The following PTPRD variants were observed in gnomAD, a reference collection of about 807,000 sequenced individuals.
PTPRD encodes the protein receptor-type tyrosine-protein phosphatase delta.
PTPRD carries 34 observed loss-of-function variants against 214.5 expected under a neutral mutation model. The observed-to-expected ratio is 0.16, with a 90% CI of 0.12 to 0.21. The LOEUF (loss-of-function observed/expected upper bound fraction) is 0.21, where lower values mean the gene tolerates loss of function less well. PTPRD is among the 10% of genes least tolerant of loss of function. The pLI, the probability that PTPRD is intolerant of heterozygous loss-of-function variation, is 1.00. For synonymous variants in PTPRD, 1,128 were observed against 845.7 expected, an observed-to-expected ratio of 1.33 and a Z score of -5.79; for missense variants, 2,545 against 2,398.7, an observed-to-expected ratio of 1.06 and a Z score of -1.27.
intron 9 of PTPRD, among the ~76,000 whole-genome samples, chr9:9,394,460 G>T (rs936230558): frequency 4.6e-5 from 7 of 152,138 alleles, no homozygotes; most frequent in African/African-American, 1.7e-4. Flanking sequence ...GACATGTATT[G>T]TGTAGCCAGA....
At chr9:8,759,922 G>A (rs1205979730) in intron 11 of PTPRD, among the ~76,000 whole-genome samples, 1 of 152,142 alleles carries the variant, frequency 6.6e-6, no homozygotes. Flanking sequence ...CTAACTGACA[G>A]GACCTATCCA....
intron 5 of PTPRD, among the ~76,000 whole-genome samples, chr9:9,842,853 C>T (rs2058665266): frequency 6.6e-6 from 1 of 151,636 alleles, no homozygotes; most frequent in Non-Finnish European, 1.5e-5. Flanking sequence ...TTGCATGTTT[C>T]ATACTGAACA....
intron 11 of PTPRD, among the ~76,000 whole-genome samples, chr9:8,918,552 AGAGT>A (rs2098803360): frequency 6.6e-6 from 1 of 152,056 alleles, no homozygotes; most frequent in African/African-American, 2.4e-5. Context: ...TACGAGAGAG[AGAGT>A]GTGTGTGTAT....
At chr9:10,509,557 T>TTATATATATATATATATATATA (rs3076461) in intron 2 of PTPRD, among the ~76,000 whole-genome samples, 2,819 of 105,976 alleles carry the variant, frequency 0.027, 98 homozygotes, top group South Asian at 0.036. Context: ...TTAATAAATA[T>TTATATATATATATATATATATA]TATATATATA....
chr9:9,798,182 G>T (rs371159723), intron 5 of PTPRD, among the ~76,000 whole-genome samples: 1 of 151,814 alleles, frequency 6.6e-6, no homozygotes, highest in African/African-American at 2.4e-5. Context: ...TATTTTCTTC[G>T]ATAACATTGT....
At chr9:9,474,328 C>A (rs1184720813) in intron 8 of PTPRD, among the ~76,000 whole-genome samples, 1 of 151,930 alleles carries the variant, frequency 6.6e-6, no homozygotes, top group Admixed American at 6.6e-5. Context: ...TGTTTTTATA[C>A]CAATATCATG....
intron 21 of PTPRD, 118 bp from the exon 22 acceptor site, chr9:8,507,552 G>C: frequency 2.5e-6 from 3 of 1,216,126 alleles, no homozygotes; most frequent in Non-Finnish European, 3.5e-6. Flanking sequence ...CAGCTTAGTG[G>C]AAAACAAGCT....
intron 14 of PTPRD, among the ~76,000 whole-genome samples, chr9:8,618,077 T>C (rs1564750947): frequency 6.6e-6 from 1 of 152,112 alleles, no homozygotes. Context: ...GAGGATCTTC[T>C]CACTGCTGCT....
intron 8 of PTPRD, among the ~76,000 whole-genome samples, chr9:9,534,511 C>T (rs778054696): frequency 6.6e-6 from 1 of 152,026 alleles, no homozygotes; most frequent in Non-Finnish European, 1.5e-5. Context: ...ATGGTTAATA[C>T]TGACATAATA....
At chr9:8,834,166 T>C (rs1453504804) in intron 11 of PTPRD, among the ~76,000 whole-genome samples, 1 of 152,082 alleles carries the variant, frequency 6.6e-6, no homozygotes, top group Non-Finnish European at 1.5e-5. Flanking sequence ...TGATTCACAG[T>C]AGTTGAATTC....
chr9:8,755,580 T>C (rs1213355606), intron 11 of PTPRD, among the ~76,000 whole-genome samples: 5 of 151,732 alleles, frequency 3.3e-5, no homozygotes, highest in African/African-American at 1.2e-4. Flanking sequence ...TACATATTCA[T>C]CCAAACTAGA....
chr9:10,412,277 T>C (rs1325627509), intron 2 of PTPRD, among the ~76,000 whole-genome samples: 5 of 151,760 alleles, frequency 3.3e-5, no homozygotes, highest in African/African-American at 1.2e-4. Flanking sequence ...TAGAAACTAC[T>C]ACGAACATCT....
chr9:9,548,369 G>C (rs1446072023), intron 8 of PTPRD, among the ~76,000 whole-genome samples: 1 of 149,096 alleles, frequency 6.7e-6, no homozygotes, highest in Non-Finnish European at 1.5e-5. Flanking sequence ...GACAGAGCTT[G>C]ATTCAATTAC....
chr9:10,612,208 C>CAAAAAAAAAAAAA (rs35311745), intron 2 of PTPRD, among the ~76,000 whole-genome samples, 190 bp downstream of exon 2: 2 of 126,738 alleles, frequency 1.6e-5, no homozygotes, highest in African/African-American at 6.0e-5. Context: ...AGGGCTCTTC[C>CAAAAAAAAAAAAA]AAAAAAAAAA....
rs2097497551 is a variant in PTPRD at position 8,504,548 on chromosome 9, AGGGCTATACTAAGGAAAT to A, written c.1678-161_1678-144del. ...CCAAAAGAGTCAATAGTGAGTATCC[AGGGCTATACTAAGGAAAT>A]TATATAATGAAAATATCAGTTTAAA... On this transcript the variant is annotated intron_variant, in intron 22 of 45. Transcript: ENST00000381196. 3.4e-6 allele frequency: 3 copies of A among 879,016 alleles called. No homozygotes were observed. In the African/African-American group the frequency reaches 5.1e-5, roughly 15 times the overall value. The allele number at this position is 879,016 out of a possible 1,614,324, so 54.5% of individuals were successfully genotyped here.
chr9:9,046,076 A>G (rs1285508133), intron 10 of PTPRD, among the ~76,000 whole-genome samples: 4 of 152,144 alleles, frequency 2.6e-5, no homozygotes, highest in Non-Finnish European at 5.9e-5. Context: ...CATAACACTC[A>G]TGCTTTATTT....
chr9:8,382,092 TC>T (rs758333119), intron 37 of PTPRD, among the ~76,000 whole-genome samples: 1 of 152,176 alleles, frequency 6.6e-6, no homozygotes, highest in Non-Finnish European at 1.5e-5. Context: ...GACTCCAGTG[TC>T]ACCTCTTCCA....
intron 10 of PTPRD, among the ~76,000 whole-genome samples, chr9:9,026,055 GA>G (rs372403298): frequency 2.4e-4 from 36 of 152,006 alleles, no homozygotes; most frequent in African/African-American, 8.0e-4. Flanking sequence ...TAAGTGCCAT[GA>G]AAAAAATAAA....
chr9:9,095,919 C>T (rs899435068), intron 10 of PTPRD, among the ~76,000 whole-genome samples: 12 of 152,112 alleles, frequency 7.9e-5, no homozygotes, highest in African/African-American at 2.4e-4. Context: ...TTATTCAGTC[C>T]CACAAAAGAA....
Sources: gnomAD v4.1 joint callset for allele counts (sites outside exome capture counted in the v4.1 genomes callset) on GRCh38, gnomAD v4.1.1 for gene constraint, MANE v1.5 for transcripts, NCBI Gene and HGNC (gene_info 2026-07-23, HGNC 2026-07-21) for gene names.